The following DNAH9 variants were observed in gnomAD, a reference collection of about 807,000 sequenced individuals.
DNAH9 encodes the protein dynein axonemal heavy chain 9.
Under a neutral mutation model 471.6 loss-of-function variants are expected in DNAH9, and 345 were observed. The observed-to-expected ratio is 0.73, with a 90% CI of 0.67 to 0.80. The LOEUF is 0.80. Ranked by LOEUF, DNAH9 falls within the 30% of genes least tolerant of loss-of-function variation. The pLI, the probability that DNAH9 is intolerant of heterozygous loss-of-function variation, is 0.00. For missense variants in DNAH9, 5,407 were observed against 5,609.2 expected (o/e 0.96, Z 1.15); for synonymous variants, 2,093 against 2,123.6 (o/e 0.99, Z 0.40).
Position 11,809,628 on chromosome 17 carries a change from G to T in DNAH9, c.8584-618G>T, listed in dbSNP as rs775182438. Among the ~76,000 whole-genome samples, 11 of 152,150 alleles carry T rather than the reference G, an allele frequency of 7.2e-5. No individual in the cohort carries two copies. The South Asian group carries it at 1.7e-3, about 23-fold the overall frequency. ...CTGCTAGCATAAGATATATTCATCCGCCATGCTGGTAGCCCCAAGTACCTC... is the reference window on the plus strand; with the variant it reads ...CTGCTAGCATAAGATATATTCATCCTCCATGCTGGTAGCCCCAAGTACCTC... On this transcript the variant is annotated intron_variant, in intron 44 of 68. Transcript: ENST00000262442.
chr17:11,706,593 A>G (rs1236425268), intron 26 of DNAH9, among the ~76,000 whole-genome samples: 4 of 152,194 alleles, frequency 2.6e-5, no homozygotes, highest in Non-Finnish European at 5.9e-5. Context: ...GTAGAAGGAA[A>G]AGAACTGGAA....
chr17:11,629,803 G>A (rs542370978), intron 7 of DNAH9, among the ~76,000 whole-genome samples: 17 of 152,206 alleles, frequency 1.1e-4, no homozygotes, highest in Non-Finnish European at 2.2e-4. Context: ...GATCAAGGAG[G>A]CCTCTTCCAA....
intron 47 of DNAH9, 72 bp downstream of exon 47, chr17:11,822,671 G>A (rs1289237267): frequency 1.3e-6 from 2 of 1,598,350 alleles, no homozygotes; most frequent in Admixed American, 3.4e-5. Context: ...TGTCCAGGAT[G>A]TTAGGGTTAA....
chr17:11,904,630 CAAAAAAAA>C (rs202059757), intron 60 of DNAH9, among the ~76,000 whole-genome samples: 17 of 111,462 alleles, frequency 1.5e-4, no homozygotes, highest in Admixed American at 1.7e-4. Flanking sequence ...GACTCCATCT[CAAAAAAAA>C]AAAAAAAAAA....
chr17:11,700,681 G>A (rs140662587), intron 23 of DNAH9, among the ~76,000 whole-genome samples: 24 of 152,234 alleles, frequency 1.6e-4, no homozygotes, highest in African/African-American at 5.3e-4. Context: ...TATGAGGGTG[G>A]CCCTGGGGTT....
At chr17:11,655,177 ATCC>A (rs2073613614) in intron 14 of DNAH9, among the ~76,000 whole-genome samples, 2 of 152,026 alleles carry the variant, frequency 1.3e-5, no homozygotes, top group Admixed American at 1.3e-4. Flanking sequence ...AGTCCATTGT[ATCC>A]TCCTTATGCC....
At chr17:11,868,199 T>A (rs1396751612) in intron 50 of DNAH9, among the ~76,000 whole-genome samples, 1 of 152,152 alleles carries the variant, frequency 6.6e-6, no homozygotes, top group Non-Finnish European at 1.5e-5. Flanking sequence ...TTGGGAAGTG[T>A]AGGAGGTAAA....
At chr17:11,658,934 A>C (rs1028865433) in intron 14 of DNAH9, among the ~76,000 whole-genome samples, 2 of 152,134 alleles carry the variant, frequency 1.3e-5, no homozygotes, top group African/African-American at 4.8e-5. Flanking sequence ...TTTAAGAATG[A>C]CATTTATCTT....
rs746167537 is a variant in DNAH9 at position 11,689,941 on chromosome 17, A to G, written c.4119A>G (p.Val1373=). 9 of 1,612,238 alleles carry G rather than the reference A, an allele frequency of 5.6e-6. No homozygotes were observed. Among genetic ancestry groups the G allele is most frequent in the Non-Finnish European group, 7.6e-6 (9 of 1,179,100 alleles). ...ACACGCTGAGCTCCCTGAGGGCAGT[A>G]GCTGAGCTGCAGAATCCAGCCATCC... ...VWNTLSSLRA[V]AELQNPAIRE... is the part of the protein sequence containing the mutation. Residue 1373 remains valine (V), a synonymous_variant, in exon 20 of 69, where the codon GTA becomes GTG. Coordinates refer to ENST00000262442, the MANE Select transcript of DNAH9 (RefSeq NM_001372.4).
chr17:11,720,137 G>A (rs1416704649), intron 27 of DNAH9, among the ~76,000 whole-genome samples: 3 of 151,836 alleles, frequency 2.0e-5, no homozygotes, highest in Non-Finnish European at 4.4e-5. Context: ...AGAAACAAAA[G>A]GCCCATGAGG....
chr17:11,613,077 A>G (rs2072670594), intron 4 of DNAH9, among the ~76,000 whole-genome samples: 1 of 152,210 alleles, frequency 6.6e-6, no homozygotes, highest in Non-Finnish European at 1.5e-5. Flanking sequence ...GAACTGGCAT[A>G]AGTTGTTAGT....
intron 43 of DNAH9, among the ~76,000 whole-genome samples, chr17:11,805,983 C>T (rs1299069803): frequency 6.6e-6 from 1 of 152,126 alleles, no homozygotes; most frequent in African/African-American, 2.4e-5. Flanking sequence ...CCTCCTGCCT[C>T]AGCCTCCCAA....
At chr17:11,728,087 C>T (rs2075188821) in intron 28 of DNAH9, 165 bp downstream of exon 28, 6 of 599,318 alleles carry the variant, frequency 1.0e-5, no homozygotes, top group Non-Finnish European at 1.5e-5. Flanking sequence ...GGAAGCTGTC[C>T]TCCAAAATGG....
At chr17:11,826,662 C>G (rs1175839604) in intron 48 of DNAH9, among the ~76,000 whole-genome samples, 6 of 149,734 alleles carry the variant, frequency 4.0e-5, no homozygotes, top group Non-Finnish European at 8.9e-5. Flanking sequence ...CGGGGTTTCA[C>G]CGTGTTAGCC....
chr17:11,822,408 C>T (rs1200298312), intron 46 of DNAH9, 30 bp from the exon 47 acceptor site: 1 of 1,612,978 alleles, frequency 6.2e-7, no homozygotes, highest in African/African-American at 1.3e-5. Context: ...TGATGCCTTC[C>T]TGGTTCTCCC....
At chr17:11,872,631 C>T (rs181679873) in intron 52 of DNAH9, among the ~76,000 whole-genome samples, 2 of 152,050 alleles carry the variant, frequency 1.3e-5, no homozygotes, top group African/African-American at 4.8e-5. Context: ...TAGAAGTCAG[C>T]GAAGGTGGGC....
intron 31 of DNAH9, 43 bp from the exon 32 acceptor site, chr17:11,747,502 GGATGCAGGTGA>G: frequency 7.0e-7 from 1 of 1,432,636 alleles, no homozygotes; most frequent in Non-Finnish European, 9.8e-7. Context: ...AGAGCAGTTG[GGATGCAGGTGA>G]GTCACAGGCT....
intron 50 of DNAH9, among the ~76,000 whole-genome samples, chr17:11,866,001 CCTT>C (rs1555611768): frequency 4.6e-5 from 7 of 152,208 alleles, no homozygotes; most frequent in Admixed American, 3.3e-4. Context: ...TCGTCTGAAG[CCTT>C]CTTCTCTCAA....
rs796485762 is a variant in DNAH9 at position 11,704,522 on chromosome 17, C to T, written c.5391+80C>T. ...AGCACATACAGCCAAAATATGGGGG[C>T]CCCAGGGTCTGTACAGCACTGACCA... On this transcript the variant is annotated intron_variant, in intron 25 of 68. Transcript: ENST00000262442. 15 of 1,489,782 alleles carry T rather than the reference C, an allele frequency of 1.0e-5. No homozygotes were observed. In the African/African-American group the frequency reaches 1.5e-4, roughly 15 times the overall value. 92.3% of individuals were successfully genotyped at this position (1,489,782 alleles called of 1,614,324 possible).
Sources: allele counts gnomAD v4.1 joint callset (sites outside exome capture counted in the v4.1 genomes callset), GRCh38; gene constraint gnomAD v4.1.1; transcripts MANE v1.5; gene names NCBI Gene and HGNC (gene_info 2026-07-23, HGNC 2026-07-21).